RBM46: variants seen among roughly 807,000 people sequenced by gnomAD.
The protein encoded by RBM46 is probable RNA-binding protein 46.
In RBM46, 12 loss-of-function variants were observed where a neutral mutation model predicts 43.3. That is an observed-to-expected ratio of 0.28 (90% CI 0.18 to 0.45). The LOEUF (loss-of-function observed/expected upper bound fraction) is 0.45. Among genes scored for constraint, RBM46 ranks in the 20% least tolerant of loss-of-function variants. RBM46 has a pLI of 1.00. For synonymous variants in RBM46, 205 were observed against 207.6 expected (o/e 0.99, Z 0.11); for missense variants, 412 against 639.1 (o/e 0.64, Z 3.83).
intron 4 of RBM46, chr4:154,826,805 T>C (rs1428389512): frequency 1.3e-6 from 2 of 1,527,584 alleles, no homozygotes; most frequent in Non-Finnish European, 1.7e-6. Context: ...TCTCCTGCAG[T>C]TGATCTCATT....
At chr4:154,786,556 A>T (rs957066178) in intron 1 of RBM46, among the ~76,000 whole-genome samples, 1 of 152,190 alleles carries the variant, frequency 6.6e-6, no homozygotes, top group African/African-American at 2.4e-5. Context: ...TTTTCCCTTG[A>T]TAAAAATTAT....
chr4:154,817,428 G>T (rs1735505486), intron 4 of RBM46, among the ~76,000 whole-genome samples: 1 of 150,576 alleles, frequency 6.6e-6, no homozygotes, highest in Admixed American at 6.6e-5. Flanking sequence ...CGCCTCCTGG[G>T]TTCAAGCAAT....
rs1452294393 is a variant in RBM46 at position 154,799,138 on chromosome 4, A to C, written c.976A>C (p.Asn326His). The change falls in exon 4 of 5, where the codon AAT becomes CAT. Residue 326 changes from asparagine (N) to histidine (H), a missense_variant. Transcript: ENST00000281722. ...GCATCTTAATGGTCAGATTAGTCCA[A>C]ATTCTGAAAATCTGATTGTGTTTGC... ...RQHLNGQISP[N>H]SENLIVFANK... 1 of 1,614,128 alleles carries C rather than the reference A, an allele frequency of 6.2e-7. No individual in the cohort carries two copies.
intron 4 of RBM46, among the ~76,000 whole-genome samples, chr4:154,817,074 T>TA (rs1287270648): frequency 6.6e-6 from 1 of 152,092 alleles, no homozygotes; most frequent in African/African-American, 2.4e-5. Flanking sequence ...ATTCATTTGT[T>TA]TTTTTTAGGA....
intron 4 of RBM46, chr4:154,826,785 T>C: frequency 6.6e-7 from 1 of 1,520,618 alleles, no homozygotes; most frequent in Non-Finnish European, 8.8e-7. Context: ...CTGATGTTGC[T>C]TGAGCTTACT....
chr4:154,797,019 A>ATTT (rs57686041), intron 2 of RBM46, 116 bp downstream of exon 2: 2,261 of 616,416 alleles, frequency 3.7e-3, no homozygotes, highest in Non-Finnish European at 4.5e-3. Context: ...GCTTTAAGAC[A>ATTT]TTTTTTTTTT....
chr4:154,817,845 A>G (rs997585758), intron 4 of RBM46, among the ~76,000 whole-genome samples: 3 of 150,832 alleles, frequency 2.0e-5, no homozygotes, highest in African/African-American at 7.3e-5. Context: ...TTTTTTTTAT[A>G]CAGTGTTTAT....
At chr4:154,799,755 C>CTTTTTTTTTTTTTTTTTTTTTTTTTTT (rs35629123) in intron 4 of RBM46, among the ~76,000 whole-genome samples, 191 bp downstream of exon 4, 1 of 114,660 alleles carries the variant, frequency 8.7e-6, no homozygotes, top group Non-Finnish European at 1.7e-5. Context: ...TTTAGCTTTT[C>CTTTTTTTTTTTTTTTTTTTTTTTTTTT]TTTTTTTTTT....
intron 4 of RBM46, among the ~76,000 whole-genome samples, chr4:154,823,969 G>T (rs1442582279): frequency 6.6e-6 from 1 of 151,852 alleles, no homozygotes; most frequent in East Asian, 1.9e-4. Flanking sequence ...AAGCTTATTT[G>T]CTGTTCTTTG....
chr4:154,807,688 C>T (rs1312948217), intron 4 of RBM46, among the ~76,000 whole-genome samples: 1 of 151,784 alleles, frequency 6.6e-6, no homozygotes, highest in Admixed American at 6.6e-5. Context: ...TACCTTACCT[C>T]CAAGAATGGT....
intron 1 of RBM46, among the ~76,000 whole-genome samples, chr4:154,796,182 T>C (rs541762253): frequency 2.8e-4 from 43 of 152,086 alleles, no homozygotes; most frequent in Non-Finnish European, 4.3e-4. Context: ...ATGAAATAAA[T>C]ATCTGATAAA....
intron 1 of RBM46, chr4:154,787,136 G>A (rs1733815537): frequency 6.6e-6 from 1 of 151,880 alleles, no homozygotes; most frequent in African/African-American, 2.4e-5. Flanking sequence ...TCGGCCATTT[G>A]GCCAAGATCA....
chr4:154,811,699 G>GAC (rs1735187740), intron 4 of RBM46, among the ~76,000 whole-genome samples: 1 of 150,248 alleles, frequency 6.7e-6, no homozygotes, highest in Admixed American at 6.6e-5. Context: ...GTGTGTGTGT[G>GAC]TGACAGAGTT....
intron 1 of RBM46, 128 bp from the exon 2 acceptor site, chr4:154,796,614 A>G: frequency 1.6e-6 from 1 of 615,760 alleles, no homozygotes; most frequent in Non-Finnish European, 2.7e-6. Flanking sequence ...AGAACCTCAG[A>G]GGACAGTGAA....
intron 4 of RBM46, among the ~76,000 whole-genome samples, chr4:154,808,595 A>G (rs912323976): frequency 2.0e-5 from 3 of 151,852 alleles, no homozygotes; most frequent in African/African-American, 7.2e-5. Context: ...CTGCCCAGTT[A>G]ATTTTTGGTC....
intron 4 of RBM46, among the ~76,000 whole-genome samples, chr4:154,801,720 A>G (rs1364959158): frequency 1.3e-5 from 2 of 152,302 alleles, no homozygotes; most frequent in East Asian, 3.9e-4. Context: ...GCAAAATTAT[A>G]TGTAGACATT....
intron 4 of RBM46, chr4:154,820,364 C>T: frequency 6.6e-7 from 1 of 1,520,266 alleles, no homozygotes; most frequent in Non-Finnish European, 8.8e-7. Context: ...TGCTTACAGA[C>T]AGGGAACACA....
intron 4 of RBM46, among the ~76,000 whole-genome samples, chr4:154,810,772 T>C (rs1223767865): frequency 6.6e-6 from 1 of 152,204 alleles, no homozygotes; most frequent in Non-Finnish European, 1.5e-5. Context: ...TGTTCCCTAA[T>C]ACCACTTGGA....
intron 4 of RBM46, among the ~76,000 whole-genome samples, chr4:154,811,712 G>A (rs908650470): frequency 7.7e-5 from 10 of 130,656 alleles, no homozygotes; most frequent in Non-Finnish European, 1.3e-4. Context: ...ACAGAGTTTC[G>A]CTGTGTCACC....
Sources: gnomAD v4.1 joint callset for allele counts (sites outside exome capture counted in the v4.1 genomes callset) on GRCh38, gnomAD v4.1.1 for gene constraint, MANE v1.5 for transcripts, NCBI Gene and HGNC (gene_info 2026-07-23, HGNC 2026-07-21) for gene names.